Variants in PPARGC1A observed in about 807,000 individuals in gnomAD.
PPARGC1A encodes peroxisome proliferator-activated receptor gamma coactivator 1-alpha.
In PPARGC1A, 25 loss-of-function variants were observed where a neutral mutation model predicts 88.7. The observed-to-expected ratio is 0.28, with a 90% CI of 0.21 to 0.39. PPARGC1A has a LOEUF of 0.39. Among genes scored for constraint, PPARGC1A ranks in the 10% least tolerant of loss-of-function variants. The pLI, the probability that PPARGC1A is intolerant of heterozygous loss-of-function variation, is 1.00. For synonymous variants in PPARGC1A, 363 were observed against 355.6 expected, an observed-to-expected ratio of 1.02 and a Z score of -0.24; for missense variants, 880 against 968.7, an observed-to-expected ratio of 0.91 and a Z score of 1.22.
At chr4:23,873,221 A>AAAAAAAAAG (rs1297257881) in intron 2 of PPARGC1A, among the ~76,000 whole-genome samples, 82 of 142,412 alleles carry the variant, frequency 5.8e-4, no homozygotes, top group East Asian at 5.3e-3. Context: ...AAAAAATAAA[A>AAAAAAAAAG]AATAAAGAAA....
At chr4:23,910,732 C>T in the PPARGC1A span, among the ~76,000 whole-genome samples, 552 of 151,714 alleles carry the variant, frequency 3.6e-3, no homozygotes, top group African/African-American at 0.013. Flanking sequence ...GCCACCGTGC[C>T]GGCCATATAT....
At chr4:24,139,192 G>C in the PPARGC1A span, among the ~76,000 whole-genome samples, 1 of 151,320 alleles carries the variant, frequency 6.6e-6, no homozygotes, top group African/African-American at 2.4e-5. Flanking sequence ...GGAGTGCAGT[G>C]GTGCGATCTC....
chr4:24,396,625 AT>A, the PPARGC1A span, among the ~76,000 whole-genome samples: 252 of 149,188 alleles, frequency 1.7e-3, no homozygotes, highest in African/African-American at 4.7e-3. Context: ...GATGTCTCCC[AT>A]TTTTTTTTTC....
the PPARGC1A span, among the ~76,000 whole-genome samples, chr4:24,164,199 G>T: frequency 6.6e-6 from 1 of 152,180 alleles, no homozygotes; most frequent in Non-Finnish European, 1.5e-5. Flanking sequence ...AGTGAGCTGA[G>T]CTCCATGCAG....
At chr4:23,945,734 G>A in the PPARGC1A span, among the ~76,000 whole-genome samples, 5 of 152,040 alleles carry the variant, frequency 3.3e-5, no homozygotes, top group Non-Finnish European at 5.9e-5. Context: ...CATCAACCTG[G>A]GTCTTTTCAT....
the PPARGC1A span, among the ~76,000 whole-genome samples, chr4:24,230,174 T>G: frequency 6.6e-6 from 1 of 152,234 alleles, no homozygotes; most frequent in South Asian, 2.1e-4. Context: ...TCGCTCCAAT[T>G]TGATCATCCT....
At chr4:24,261,292 G>A in the PPARGC1A span, among the ~76,000 whole-genome samples, 6 of 152,090 alleles carry the variant, frequency 3.9e-5, no homozygotes, top group African/African-American at 1.4e-4. Flanking sequence ...TCCCTGCCCT[G>A]GCACTCCTTC....
chr4:24,256,702 T>C, the PPARGC1A span, among the ~76,000 whole-genome samples: 2 of 152,188 alleles, frequency 1.3e-5, no homozygotes, highest in Non-Finnish European at 2.9e-5. Flanking sequence ...ACTTTCTTCC[T>C]GTCAATCGTC....
chr4:24,468,585 CA>C, the PPARGC1A span, among the ~76,000 whole-genome samples: 11 of 152,162 alleles, frequency 7.2e-5, no homozygotes, highest in East Asian at 5.8e-4. Flanking sequence ...GGGCTCTCTC[CA>C]AAAAAATCAC....
At chr4:23,847,152 A>G (rs779550092) in intron 2 of PPARGC1A, among the ~76,000 whole-genome samples, 5 of 152,190 alleles carry the variant, frequency 3.3e-5, no homozygotes, top group Non-Finnish European at 5.9e-5. Flanking sequence ...AGGACTAAGA[A>G]TCACACCTGT....
chr4:24,411,427 C>A, the PPARGC1A span, among the ~76,000 whole-genome samples: 6 of 152,212 alleles, frequency 3.9e-5, no homozygotes, highest in African/African-American at 1.4e-4. Flanking sequence ...ATCTCATATA[C>A]CCTCTGCCCT....
At chr4:24,171,816 T>G in the PPARGC1A span, among the ~76,000 whole-genome samples, 9 of 152,228 alleles carry the variant, frequency 5.9e-5, no homozygotes, top group Non-Finnish European at 8.8e-5. Flanking sequence ...GATTGACTAT[T>G]GTTGTGGAAA....
the PPARGC1A span, among the ~76,000 whole-genome samples, chr4:24,323,611 A>C: frequency 1.2e-4 from 18 of 151,378 alleles, no homozygotes; most frequent in East Asian, 3.9e-4. Context: ...ATCTCCCTTC[A>C]CTGACTCTCT....
At chr4:24,343,798 TA>T in the PPARGC1A span, among the ~76,000 whole-genome samples, 1 of 151,978 alleles carries the variant, frequency 6.6e-6, no homozygotes, top group African/African-American at 2.4e-5. Context: ...GTTACATGAG[TA>T]AGTTCTTTAG....
intron 12 of PPARGC1A, among the ~76,000 whole-genome samples, chr4:23,798,057 A>AC (rs569031842): frequency 2.0e-5 from 3 of 151,156 alleles, no homozygotes; most frequent in African/African-American, 7.3e-5. Context: ...GTACCTTGTG[A>AC]CCCCCACTCC....
chr4:24,272,813 G>T, the PPARGC1A span, among the ~76,000 whole-genome samples: 1 of 152,300 alleles, frequency 6.6e-6, no homozygotes, highest in South Asian at 2.1e-4. Context: ...GGTGCAATAA[G>T]CAAAGACTCT....
At chr4:24,322,777 T>C in the PPARGC1A span, among the ~76,000 whole-genome samples, 1 of 152,176 alleles carries the variant, frequency 6.6e-6, no homozygotes, top group South Asian at 2.1e-4. Flanking sequence ...GAGTCAGGTT[T>C]TTAGCACATA....
chr4:24,012,741 AAG>A, the PPARGC1A span, among the ~76,000 whole-genome samples: 4 of 152,238 alleles, frequency 2.6e-5, no homozygotes, highest in Non-Finnish European at 4.4e-5. Flanking sequence ...TTACTAATAA[AAG>A]AGATACTATT....
At chr4:24,146,842 C>G in the PPARGC1A span, among the ~76,000 whole-genome samples, 1 of 152,198 alleles carries the variant, frequency 6.6e-6, no homozygotes, top group Non-Finnish European at 1.5e-5. Flanking sequence ...TGGTGGCTCT[C>G]CAGCCCACTT....
Sources: gnomAD v4.1 joint callset for allele counts (sites outside exome capture counted in the v4.1 genomes callset) on GRCh38, gnomAD v4.1.1 for gene constraint, MANE v1.5 for transcripts, NCBI Gene and HGNC (gene_info 2026-07-23, HGNC 2026-07-21) for gene names.